FAM149B1: variants seen among roughly 807,000 people sequenced by gnomAD.
FAM149B1 encodes primary cilium assembly protein FAM149B1.
Under a neutral mutation model 75.3 loss-of-function variants are expected in FAM149B1, and 56 were observed. The observed-to-expected ratio is 0.74, with a 90% CI of 0.60 to 0.93. FAM149B1 has a LOEUF of 0.93. Ranked by LOEUF, FAM149B1 falls within the 40% of genes least tolerant of loss-of-function variation. The pLI is 0.00. For synonymous variants in FAM149B1, 259 were observed against 256.1 expected, an observed-to-expected ratio of 1.01 and a Z score of -0.11; for missense variants, 639 against 708.4, an observed-to-expected ratio of 0.90 and a Z score of 1.11.
At chr10:73,180,971 A>G (rs1036070513) in intron 3 of FAM149B1, among the ~76,000 whole-genome samples, 2 of 143,188 alleles carry the variant, frequency 1.4e-5, no homozygotes, top group African/African-American at 2.6e-5. Flanking sequence ...GATCTTTATT[A>G]TTTATTTTGG....
intron 12 of FAM149B1, 80 bp from the exon 13 acceptor site, chr10:73,239,232 G>C: frequency 8.4e-7 from 1 of 1,195,986 alleles, no homozygotes; most frequent in Non-Finnish European, 1.2e-6. Flanking sequence ...TTGATTTCAA[G>C]GTGTTCCTGT....
chr10:73,170,800 T>C (rs879548765), intron 1 of FAM149B1, among the ~76,000 whole-genome samples: 12 of 151,978 alleles, frequency 7.9e-5, no homozygotes, highest in Admixed American at 2.0e-4. Context: ...AAAAAAAAAA[T>C]TGTGAGGAAA....
intron 7 of FAM149B1, among the ~76,000 whole-genome samples, chr10:73,211,049 C>G (rs1022997993): frequency 1.3e-5 from 2 of 152,084 alleles, no homozygotes; most frequent in African/African-American, 4.8e-5. Context: ...AGGGCCCAGT[C>G]CCACAAGACT....
intron 7 of FAM149B1, 79 bp from the exon 8 acceptor site, chr10:73,227,981 G>T (rs1315328624): frequency 2.2e-6 from 3 of 1,368,108 alleles, no homozygotes; most frequent in Admixed American, 2.0e-5. Flanking sequence ...TGAATTCTCA[G>T]GAGAGATCTT....
intron 7 of FAM149B1, among the ~76,000 whole-genome samples, chr10:73,222,022 G>A (rs1015970152): frequency 6.6e-6 from 1 of 152,120 alleles, no homozygotes; most frequent in Non-Finnish European, 1.5e-5. Flanking sequence ...TTTTGAAAAT[G>A]TGGAATAATT....
intron 2 of FAM149B1, among the ~76,000 whole-genome samples, chr10:73,177,463 A>G (rs554894826): frequency 6.6e-5 from 10 of 152,262 alleles, no homozygotes; most frequent in African/African-American, 2.4e-4. Context: ...AGTCCCAGCT[A>G]CTTGGGAGAC....
At chr10:73,240,514 C>CAT (rs2043919714) in intron 13 of FAM149B1, among the ~76,000 whole-genome samples, 1 of 152,112 alleles carries the variant, frequency 6.6e-6, no homozygotes, top group Non-Finnish European at 1.5e-5. Flanking sequence ...ATATTGAGAC[C>CAT]ATCCTGGCTA....
chr10:73,195,098 A>G (rs192716834), intron 5 of FAM149B1, among the ~76,000 whole-genome samples: 1 of 152,334 alleles, frequency 6.6e-6, no homozygotes, highest in Admixed American at 6.5e-5. Flanking sequence ...AATCTACTGT[A>G]AAATATAATA....
At position 73,192,582 on chromosome 10, in the gene FAM149B1, AGTCCAGACAAT is replaced by A. The variant is rs1405882891; in HGVS notation, c.312_322del (p.Gln105HisfsTer4). On this transcript the variant is annotated frameshift_variant, in exon 4 of 14. Coordinates refer to ENST00000242505, the MANE Select transcript of FAM149B1 (RefSeq NM_173348.2). LOFTEE classifies it high-confidence loss of function. Reference sequence around the variant, plus strand: ...AACTCGATCAAAATGCCACTGAAAAAGTCCAGACAATGTTCACAGCCATTGATGAACTCTTG... The same window carrying A: ...AACTCGATCAAAATGCCACTGAAAAAGTTCACAGCCATTGATGAACTCTTG... 3.9e-6 allele frequency: 6 copies of A among 1,551,290 alleles called. No homozygotes were observed. The South Asian group carries it at 7.2e-5, about 19-fold the overall frequency.
intron 5 of FAM149B1, chr10:73,200,581 AG>A (rs1424855711): frequency 1.4e-6 from 1 of 737,134 alleles, no homozygotes; most frequent in African/African-American, 1.8e-5. Context: ...TGTTCAGCCA[AG>A]GGTTTAAGGA....
In FAM149B1 at chr10:73,230,406, T is replaced by C. The variant is rs1272562466; in HGVS notation, c.1024-16T>C. 1.4e-6 allele frequency: 2 copies of C among 1,416,300 alleles called. No individual in the cohort carries two copies. Among genetic ancestry groups the C allele is most frequent in the African/African-American group, 1.4e-5 (1 of 70,390 alleles). The allele number at this position is 1,416,300 out of a possible 1,614,324, so 87.7% of individuals were successfully genotyped here. On this transcript the variant is annotated splice_polypyrimidine_tract_variant and intron_variant, in intron 8 of 13. Coordinates refer to ENST00000242505, the MANE Select transcript of FAM149B1 (RefSeq NM_173348.2). The stretch of plus-strand genomic sequence containing the variant: ...TCTCCAACCGATCAAGAGTACTGTC[T>C]TCTTTCAACACGTAGATGAGTCTCT...
intron 6 of FAM149B1, among the ~76,000 whole-genome samples, chr10:73,209,780 G>A (rs567627993): frequency 1.3e-5 from 2 of 152,322 alleles, no homozygotes; most frequent in South Asian, 4.1e-4. Context: ...AGATTTGATA[G>A]TCACAGCAGC....
At chr10:73,204,301 T>G (rs551090875) in intron 5 of FAM149B1, among the ~76,000 whole-genome samples, 2 of 152,186 alleles carry the variant, frequency 1.3e-5, no homozygotes, top group East Asian at 3.9e-4. Context: ...ATTTTTGTAT[T>G]TTTAGTAGAG....
rs1220952314 is a variant in FAM149B1, at chr10:73,193,485, G to A, written c.434G>A (p.Gly145Asp). The A allele has an allele frequency of 6.5e-7, 1 of 1,548,594 alleles. No individual in the cohort carries two copies. The highest frequency in any genetic ancestry group is 1.4e-5 in the African/African-American group (1 of 73,034). ...GTTTCTTCATTTTGAAGGATTCTAG[G>A]TAGGCAGATAATCACTCCAAGTGAA... ...TASFPHLRIL[G>D]RQIITPSEGY... Residue 145 changes from glycine (G) to aspartate (D), a missense_variant, in exon 5 of 14, where the codon GGT (glycine) becomes GAT (aspartate). Transcript: ENST00000242505.
chr10:73,188,452 G>A (rs2042586356), intron 3 of FAM149B1, among the ~76,000 whole-genome samples: 2 of 152,038 alleles, frequency 1.3e-5, no homozygotes, highest in Non-Finnish European at 2.9e-5. Context: ...CTACGAAAAT[G>A]GATAAATTTA....
At chr10:73,240,641 G>A (rs2043924606) in intron 13 of FAM149B1, among the ~76,000 whole-genome samples, 2 of 151,854 alleles carry the variant, frequency 1.3e-5, no homozygotes, top group African/African-American at 2.4e-5. Context: ...GAACCTGGGA[G>A]GCAGAGCTTG....
chr10:73,218,492 G>A (rs1309932216), intron 7 of FAM149B1, among the ~76,000 whole-genome samples: 1 of 152,144 alleles, frequency 6.6e-6, no homozygotes, highest in Non-Finnish European at 1.5e-5. Flanking sequence ...CATGGTATCA[G>A]TGGGGTTTAC....
chr10:73,186,364 A>T (rs76243207), intron 3 of FAM149B1, among the ~76,000 whole-genome samples: 1 of 152,170 alleles, frequency 6.6e-6, no homozygotes, highest in Admixed American at 6.5e-5. Flanking sequence ...TCTACAAAAA[A>T]GTTAGAACTA....
Position 73,226,117 on chromosome 10 carries a change from T to A in FAM149B1, c.899-1943T>A, listed in dbSNP as rs1251473014. Among the ~76,000 whole-genome samples, 5 of 146,114 alleles carry A rather than the reference T, an allele frequency of 3.4e-5. No homozygotes were observed. In the East Asian group the frequency reaches 1.0e-3, roughly 30 times the overall value. ...CACAATAATTTTTTTTTTTTTTTTT[T>A]AAGTAGCAGGCCAGATTTGACCCAT... is the stretch of plus-strand genomic sequence containing the variant. On this transcript the variant is annotated intron_variant, in intron 7 of 13. Transcript: ENST00000242505.
Sources: allele counts gnomAD v4.1 joint callset (sites outside exome capture counted in the v4.1 genomes callset), GRCh38; gene constraint gnomAD v4.1.1; transcripts MANE v1.5; gene names NCBI Gene and HGNC (gene_info 2026-07-23, HGNC 2026-07-21).